MMP24: variants seen among roughly 807,000 people sequenced by gnomAD.
The protein encoded by MMP24 is matrix metallopeptidase 24, also known as matrix metalloproteinase-24.
MMP24 carries 25 observed loss-of-function variants against 62.8 expected under a neutral mutation model. That is an observed-to-expected ratio of 0.40 (90% confidence interval 0.29 to 0.56). MMP24 has a LOEUF of 0.56. Among genes scored for constraint, MMP24 ranks in the 20% least tolerant of loss-of-function variants. MMP24 has a pLI of 0.50. For missense variants in MMP24, 634 were observed against 853.6 expected (o/e 0.74, Z 3.21); for synonymous variants, 319 against 350.5 (o/e 0.91, Z 1.00).
intron 1 of MMP24, among the ~76,000 whole-genome samples, chr20:35,231,757 A>G (rs1460777746): frequency 3.9e-5 from 6 of 152,178 alleles, no homozygotes; most frequent in African/African-American, 1.2e-4. Flanking sequence ...CATAGCTCAT[A>G]AACATTAAAG....
At chr20:35,270,684 G>A (rs537576833) in intron 7 of MMP24, among the ~76,000 whole-genome samples, 31 of 152,330 alleles carry the variant, frequency 2.0e-4, no homozygotes, top group East Asian at 7.7e-4. Context: ...CCAAATGAGG[G>A]AGGAGCCGTG....
intron 1 of MMP24, among the ~76,000 whole-genome samples, chr20:35,243,605 C>A (rs2060499463): frequency 6.6e-6 from 1 of 152,016 alleles, no homozygotes; most frequent in Admixed American, 6.6e-5. Flanking sequence ...AAAGTCCCAG[C>A]ACTTTGGGAG....
intron 2 of MMP24, among the ~76,000 whole-genome samples, chr20:35,247,388 T>C (rs1183133083): frequency 4.6e-5 from 7 of 152,290 alleles, no homozygotes; most frequent in Non-Finnish European, 5.9e-5. Context: ...GGCTCCACTT[T>C]TTCCATTTAC....
At position 35,269,025 on chromosome 20, in the gene MMP24, TAA is replaced by T. The variant is rs554703879; in HGVS notation, c.1195-721_1195-720del. Among the ~76,000 whole-genome samples the T allele has an allele frequency of 6.2e-4, 84 of 136,356 alleles. No individual in the cohort carries two copies. Among genetic ancestry groups the T allele is most frequent in the Non-Finnish European group, 5.6e-4 (35 of 62,658 alleles). 89.5% of individuals were successfully genotyped at this position (136,356 alleles called of 152,430 possible). Reference sequence around the variant, plus strand: ...CTGGGTGACAGAGCGAGACTCCATCTAAAAAAAAAAAAAAAGAAAGAAAACTG... The same window carrying T: ...CTGGGTGACAGAGCGAGACTCCATCTAAAAAAAAAAAAAGAAAGAAAACTG... On this transcript the variant is annotated intron_variant, in intron 6 of 8. Coordinates refer to ENST00000246186, the MANE Select transcript of MMP24 (RefSeq NM_006690.4). The surrounding 1 kb of genome is among the most constrained non-coding windows in gnomAD (Gnocchi z 4.6).
intron 5 of MMP24, among the ~76,000 whole-genome samples, chr20:35,264,659 G>T (rs551322632): frequency 1.1e-3 from 130 of 122,244 alleles, no homozygotes; most frequent in South Asian, 1.7e-3. Flanking sequence ...AGTGAGCTGA[G>T]ATCGCACCAC....
chr20:35,267,108 G>T, intron 5 of MMP24, 97 bp from the exon 6 acceptor site: 1 of 1,038,444 alleles, frequency 9.6e-7, no homozygotes, highest in Non-Finnish European at 1.4e-6. Context: ...GCTGAACTGG[G>T]ACAGACTTGT....
Position 35,276,248 on chromosome 20 carries a change from C to T in MMP24, c.*1639C>T, listed in dbSNP as rs1568625191. 7.5e-6 allele frequency: 3 copies of T among 398,930 alleles called. No individual in the cohort carries two copies. Among genetic ancestry groups the T allele is most frequent in the African/African-American group, 6.2e-5 (3 of 48,626 alleles). 24.7% of individuals were successfully genotyped at this position (398,930 alleles called of 1,614,324 possible). A position where few individuals can be genotyped will look rare whatever the true frequency, so the allele number is the denominator to read the frequency against. Reference sequence around the variant, plus strand: ...GTGCCCATGTGGGTCCGCTGTGTCCCCTGTCATCATCCTTGTTTTTTCTCA... The same window carrying T: ...GTGCCCATGTGGGTCCGCTGTGTCCTCTGTCATCATCCTTGTTTTTTCTCA... On this transcript the variant is annotated 3_prime_UTR_variant, in exon 9 of 9. Coordinates refer to ENST00000246186, the MANE Select transcript of MMP24 (RefSeq NM_006690.4).
At chr20:35,229,688 A>G (rs1600768635) in intron 1 of MMP24, among the ~76,000 whole-genome samples, 2 of 151,574 alleles carry the variant, frequency 1.3e-5, no homozygotes, top group Non-Finnish European at 2.9e-5. Flanking sequence ...TCTCCACCCT[A>G]CCCCTCCATT....
chr20:35,254,669 T>C lies in MMP24; in HGVS notation c.732T>C (p.His244=). ...PFDGEGGFLA[H]AYFPGPGIGG... is the part of the protein sequence containing the mutation. The stretch of plus-strand genomic sequence containing the variant: ...ATGGAGAAGGGGGATTCCTGGCCCA[T>C]GCCTACTTCCCTGGCCCAGGGATTG... The change falls in exon 4 of 9, where the codon CAT becomes CAC. Residue 244 remains histidine, a synonymous_variant. Coordinates refer to ENST00000246186, the MANE Select transcript of MMP24 (RefSeq NM_006690.4). 6 of 1,614,210 alleles carry C rather than the reference T, an allele frequency of 3.7e-6. No homozygotes were observed. The highest frequency in any genetic ancestry group is 2.2e-5 in the South Asian group (2 of 91,090).
In MMP24 at chr20:35,271,978, G is replaced by A. The variant is rs550713745; in HGVS notation, c.1600+143G>A. 1.9e-5 allele frequency: 17 copies of A among 895,384 alleles called. 1 individual carries two copies. The highest frequency in any genetic ancestry group is 1.5e-4 in the African/African-American group (9 of 59,532). 55.5% of individuals were successfully genotyped at this position (895,384 alleles called of 1,614,324 possible). A position where few individuals can be genotyped will look rare whatever the true frequency, so the allele number is the denominator to read the frequency against. ...AGACAACTGCCTCATATCTACCCAT[G>A]TTCACGTGGTCCATTAATTCACTTA... On this transcript the variant is annotated intron_variant, in intron 8 of 8. Coordinates refer to ENST00000246186, the MANE Select transcript of MMP24 (RefSeq NM_006690.4). This position sits in a 1 kb window ranked among gnomAD's most constrained non-coding sequence, Gnocchi z 4.0.
intron 1 of MMP24, among the ~76,000 whole-genome samples, chr20:35,240,040 T>C (rs2060482016): frequency 6.6e-6 from 1 of 152,200 alleles, no homozygotes; most frequent in South Asian, 2.1e-4. Context: ...TCCAACACTC[T>C]GACCGTACGG....
At chr20:35,241,635 G>A (rs2060488861) in intron 1 of MMP24, among the ~76,000 whole-genome samples, 1 of 152,152 alleles carries the variant, frequency 6.6e-6, no homozygotes, top group Non-Finnish European at 1.5e-5. Flanking sequence ...AATGGATTTG[G>A]ATGGGCTGTG....
chr20:35,252,444 A>C (rs2060552401), intron 3 of MMP24, among the ~76,000 whole-genome samples: 1 of 152,102 alleles, frequency 6.6e-6, no homozygotes, highest in Non-Finnish European at 1.5e-5. Flanking sequence ...TGAAACAAAA[A>C]CCACAAAACA....
intron 2 of MMP24, among the ~76,000 whole-genome samples, chr20:35,248,883 G>A (rs1296283426): frequency 1.3e-5 from 2 of 152,204 alleles, no homozygotes; most frequent in Non-Finnish European, 2.9e-5. Context: ...AGAAGCACTG[G>A]TGTCTCTGCT....
In MMP24 at chr20:35,275,836, A is replaced by G; in HGVS notation, c.*1227A>G. Reference sequence around the variant, plus strand: ...ATCTTCCCACACTGCTCTTAGAAGGACACCCCTACCGGTAGCAGCCCCAAG... The same window carrying G: ...ATCTTCCCACACTGCTCTTAGAAGGGCACCCCTACCGGTAGCAGCCCCAAG... On this transcript the variant is annotated 3_prime_UTR_variant, in exon 9 of 9. Transcript: ENST00000246186. The G allele has an allele frequency of 2.5e-6, 1 of 395,720 alleles. No individual in the cohort carries two copies. 24.5% of individuals were successfully genotyped at this position (395,720 alleles called of 1,614,324 possible).
Position 35,246,912 on chromosome 20 carries a change from T to A in MMP24, c.319T>A (p.Leu107Met). ...RASALHSAKA[L>M]QSAVSTMQQF... is the part of the protein sequence containing the mutation. ...ATCTGCGCTGCACTCAGCGAAGGCC[T>A]TGCAGTCGGCAGTCTCCACTATGCA... Residue 107 changes from leucine (L) to methionine (M), a missense_variant, in exon 2 of 9, where the codon TTG becomes ATG. By Grantham distance (15) the Leu-to-Met change is conservative. Coordinates refer to ENST00000246186, the MANE Select transcript of MMP24 (RefSeq NM_006690.4). 6.2e-7 allele frequency: 1 copy of A among 1,614,050 alleles called. No homozygotes were observed. Among genetic ancestry groups the A allele is most frequent in the Non-Finnish European group, 8.5e-7 (1 of 1,179,876 alleles).
chr20:35,266,175 T>TAAA (rs35806814), intron 5 of MMP24, among the ~76,000 whole-genome samples: 4,130 of 42,968 alleles, frequency 0.096, 660 homozygotes, highest in South Asian at 0.12. Flanking sequence ...CCATCTCTGC[T>TAAA]AAAAAAAAAA....
chr20:35,263,712 T>G, intron 4 of MMP24, 79 bp from the exon 5 acceptor site: 2 of 1,268,876 alleles, frequency 1.6e-6, no homozygotes, highest in Non-Finnish European at 2.1e-6. Context: ...GTGCTCGGTG[T>G]TTGCTGAGGT....
At position 35,274,160 on chromosome 20, in the gene MMP24, G is replaced by C; in HGVS notation, c.1601-112G>C. On this transcript the variant is annotated intron_variant, in intron 8 of 8. Coordinates refer to ENST00000246186, the MANE Select transcript of MMP24 (RefSeq NM_006690.4). The surrounding 1 kb of genome is among the most constrained non-coding windows in gnomAD (Gnocchi z 5.1). ...CAAGCACTGCACCCCAAACCTCCAG[G>C]TGTGCCCACCTTGCCTCCCTTGCCA... 9.4e-7 allele frequency: 1 copy of C among 1,068,382 alleles called. No individual in the cohort carries two copies. The highest frequency in any genetic ancestry group is 1.4e-6 in the Non-Finnish European group (1 of 737,100). The allele number at this position is 1,068,382 out of a possible 1,614,324, so 66.2% of individuals were successfully genotyped here.
Sources: allele counts gnomAD v4.1 joint callset (sites outside exome capture counted in the v4.1 genomes callset), GRCh38; gene constraint gnomAD v4.1.1; non-coding constraint Gnocchi (gnomAD v3.1); transcripts MANE v1.5; gene names NCBI Gene and HGNC (gene_info 2026-07-23, HGNC 2026-07-21).